CHD9: variants seen among roughly 807,000 people sequenced by gnomAD.
CHD9 encodes chromodomain helicase DNA binding protein 9.
Under a neutral mutation model 316.1 loss-of-function variants are expected in CHD9, and 77 were observed. That is an observed-to-expected ratio of 0.24 (90% CI 0.20 to 0.29). The LOEUF is 0.29. Ranked by LOEUF, CHD9 falls within the 10% of genes least tolerant of loss-of-function variation. The probability of loss-of-function intolerance (pLI) is 1.00; values close to 1 mark genes in which losing one functional copy is unlikely to be tolerated. For missense variants in CHD9, 2,763 were observed against 3,438.1 expected, an observed-to-expected ratio of 0.80 and a Z score of 4.91; for synonymous variants, 1,129 against 1,158.3, an observed-to-expected ratio of 0.97 and a Z score of 0.51.
chr16:53,083,902 C>T (rs76116034), intron 1 of CHD9, among the ~76,000 whole-genome samples: 6,038 of 152,020 alleles, frequency 0.04, 121 homozygotes, highest in African/African-American at 0.049. Context: ...AAGTGTGCAT[C>T]ACTATGCCCA....
At chr16:53,103,169 A>G (rs1284004104) in intron 1 of CHD9, among the ~76,000 whole-genome samples, 1 of 147,174 alleles carries the variant, frequency 6.8e-6, no homozygotes, top group African/African-American at 2.5e-5. Context: ...TTAAAAAAAA[A>G]AAAAAAGGTA....
chr16:53,245,069 G>A lies in CHD9; in HGVS notation c.3055-267G>A, dbSNP rs914060615. Among the ~76,000 whole-genome samples, 7 of 152,016 alleles carry A rather than the reference G, an allele frequency of 4.6e-5. No homozygotes were observed. Among genetic ancestry groups the A allele is most frequent in the Non-Finnish European group, 1.0e-4 (7 of 68,012 alleles). ...AGTTCAAGGTTACAGTGGCACCACT[G>A]TAATTTATTCTAATCATTGTAATTA... is the stretch of plus-strand genomic sequence containing the variant. On this transcript the variant is annotated intron_variant, in intron 13 of 38. Transcript: ENST00000447540. This position sits in a 1 kb window ranked among gnomAD's most constrained non-coding sequence, Gnocchi z 4.1.
chr16:53,289,611 T>A (rs1381593792), intron 27 of CHD9, among the ~76,000 whole-genome samples: 2 of 152,144 alleles, frequency 1.3e-5, no homozygotes, highest in Non-Finnish European at 2.9e-5. Context: ...ACAGGAAATG[T>A]ATAATGTAAA....
intron 1 of CHD9, among the ~76,000 whole-genome samples, chr16:53,146,860 T>G (rs1305515456): frequency 6.6e-6 from 1 of 151,264 alleles, no homozygotes; most frequent in Non-Finnish European, 1.5e-5. Context: ...TTAAAAAAGG[T>G]TTTTTAATGG....
chr16:53,096,361 GATA>G lies in CHD9; in HGVS notation c.-165+41288_-165+41290del, dbSNP rs538191997. On this transcript the variant is annotated intron_variant, in intron 1 of 38. Coordinates refer to ENST00000447540, the MANE Select transcript of CHD9 (RefSeq NM_001308319.2). ...CTCATCATTATTAAACCAACAATAT[GATA>G]ATATTAGGTTGGTGCAAAAATAATT... 4.6e-5 allele frequency among the ~76,000 whole-genome samples: 7 copies of G among 152,254 alleles called. No individual in the cohort carries two copies. In the East Asian group the frequency reaches 1.4e-3, roughly 29 times the overall value.
chr16:53,157,517 A>G lies in CHD9; in HGVS notation c.1428A>G (p.Arg476=). 1 of 1,613,312 alleles carries G rather than the reference A, an allele frequency of 6.2e-7. No homozygotes were observed. The highest frequency in any genetic ancestry group is 8.5e-7 in the Non-Finnish European group (1 of 1,179,388). The change falls in exon 2 of 39, where the codon AGA becomes AGG. Residue 476 remains arginine (R), a synonymous_variant. Coordinates refer to ENST00000447540, the MANE Select transcript of CHD9 (RefSeq NM_001308319.2). ...CTAATCATCAGCATTTACATGACAG[A>G]AATCACCTATGTTTACAGCGACAGG... The part of the protein sequence containing the change: ...SFSNHQHLHD[R]NHLCLQRQPP...
chr16:53,195,501 C>T (rs533766981), intron 2 of CHD9, among the ~76,000 whole-genome samples: 2 of 152,214 alleles, frequency 1.3e-5, no homozygotes, highest in Admixed American at 6.5e-5. Flanking sequence ...AAAACTGCAA[C>T]CAAGGTGTCA....
At chr16:53,143,340 T>C (rs1329452660) in intron 1 of CHD9, among the ~76,000 whole-genome samples, 1 of 150,124 alleles carries the variant, frequency 6.7e-6, no homozygotes. Context: ...TGATTTTATT[T>C]ATTTTTATTT....
At chr16:53,145,645 G>A (rs2040514708) in intron 1 of CHD9, among the ~76,000 whole-genome samples, 1 of 151,928 alleles carries the variant, frequency 6.6e-6, no homozygotes, top group Non-Finnish European at 1.5e-5. Flanking sequence ...GGCAGAAGTT[G>A]CAGTGAGCCG....
chr16:53,196,965 G>C (rs762700148), intron 2 of CHD9, among the ~76,000 whole-genome samples: 2 of 152,138 alleles, frequency 1.3e-5, no homozygotes, highest in Non-Finnish European at 2.9e-5. Flanking sequence ...GTCAAAGGTA[G>C]GTAGGCAAGA....
chr16:53,200,001 C>T (rs185354339), intron 2 of CHD9, among the ~76,000 whole-genome samples: 211 of 151,718 alleles, frequency 1.4e-3, no homozygotes, highest in African/African-American at 4.4e-3. Flanking sequence ...TTTGGGAGGC[C>T]GAGGCGGGTG....
intron 1 of CHD9, among the ~76,000 whole-genome samples, chr16:53,146,764 A>T (rs996438149): frequency 6.6e-6 from 1 of 150,492 alleles, no homozygotes; most frequent in Admixed American, 6.7e-5. Context: ...GTACCACTGC[A>T]CTCTAGCCTG....
chr16:53,285,877 G>T (rs2053827520), intron 25 of CHD9, among the ~76,000 whole-genome samples, 178 bp downstream of exon 25: 2 of 152,058 alleles, frequency 1.3e-5, no homozygotes, highest in Admixed American at 6.5e-5. Flanking sequence ...CTCGTGGGAG[G>T]GTGGCATGTG....
intron 24 of CHD9, among the ~76,000 whole-genome samples, chr16:53,277,339 A>G (rs2052943770): frequency 6.6e-6 from 1 of 152,222 alleles, no homozygotes; most frequent in Non-Finnish European, 1.5e-5. Flanking sequence ...CTTAATGAAC[A>G]TACATGCAAA....
Position 53,304,001 on chromosome 16 carries a change from A to G in CHD9, c.5995A>G (p.Arg1999Gly). The G allele has an allele frequency of 6.2e-7, 1 of 1,614,052 alleles. No individual in the cohort carries two copies. The highest frequency in any genetic ancestry group is 8.5e-7 in the Non-Finnish European group (1 of 1,179,898). The change falls in exon 31 of 39, where the codon AGG becomes GGG. Residue 1999 changes from arginine (R) to glycine (G), a missense_variant. Coordinates refer to ENST00000447540, the MANE Select transcript of CHD9 (RefSeq NM_001308319.2). ...DPELSFMAAQ[R>G]NYSQSKMAHS... ...TGAACTCTCATTTATGGCAGCTCAG[A>G]GGAACTACAGTCAAAGTAAGATGGC...
chr16:53,283,561 A>C (rs1467085030), intron 24 of CHD9, among the ~76,000 whole-genome samples: 1 of 151,938 alleles, frequency 6.6e-6, no homozygotes, highest in Non-Finnish European at 1.5e-5. Flanking sequence ...TATCTGACCC[A>C]CTTTTTTTCT....
At chr16:53,283,843 C>T (rs1356803119) in intron 24 of CHD9, among the ~76,000 whole-genome samples, 4 of 152,062 alleles carry the variant, frequency 2.6e-5, no homozygotes, top group African/African-American at 9.7e-5. Flanking sequence ...CTGACAAATT[C>T]GTTCAAGAAT....
At chr16:53,194,453 A>G (rs574578579) in intron 2 of CHD9, among the ~76,000 whole-genome samples, 213 of 152,222 alleles carry the variant, frequency 1.4e-3, no homozygotes, top group Non-Finnish European at 2.3e-3. Context: ...GCAGGCCTGT[A>G]GTCTCAGCTA....
chr16:53,134,615 T>C (rs1487857468), intron 1 of CHD9, among the ~76,000 whole-genome samples: 2 of 152,232 alleles, frequency 1.3e-5, no homozygotes, highest in South Asian at 4.1e-4. Flanking sequence ...GTTGCACTTA[T>C]TTGGCATACC....
Sources: allele counts gnomAD v4.1 joint callset (sites outside exome capture counted in the v4.1 genomes callset), GRCh38; gene constraint gnomAD v4.1.1; non-coding constraint Gnocchi (gnomAD v3.1); transcripts MANE v1.5; gene names NCBI Gene and HGNC (gene_info 2026-07-23, HGNC 2026-07-21).